The following CABYR variants were observed in gnomAD, a reference collection of about 807,000 sequenced individuals.
CABYR encodes the protein calcium-binding tyrosine phosphorylation-regulated protein.
A neutral mutation model predicts 36.1 loss-of-function variants in CABYR; 31 were observed. That is an observed-to-expected ratio of 0.86 (90% confidence interval 0.64 to 1.16). The LOEUF is 1.16. CABYR is among the 50% of genes most tolerant of loss of function. The pLI is 0.00. For missense variants in CABYR, 429 were observed against 455.8 expected (o/e 0.94, Z 0.53); for synonymous variants, 146 against 160.7 (o/e 0.91, Z 0.69).
At chr18:24,143,606 G>C (rs536816063) in intron 3 of CABYR, among the ~76,000 whole-genome samples, 193 bp downstream of exon 3, 4 of 149,696 alleles carry the variant, frequency 2.7e-5, no homozygotes, top group African/African-American at 4.9e-5. Flanking sequence ...CAGCGGCGCC[G>C]TCATAGCTCA....
At chr18:24,146,329 C>T (rs1005188806) in intron 3 of CABYR, among the ~76,000 whole-genome samples, 10 of 152,062 alleles carry the variant, frequency 6.6e-5, no homozygotes, top group Non-Finnish European at 8.8e-5. Context: ...AACTAAAAAA[C>T]GAGCCAACAG....
At chr18:24,146,110 T>C (rs1040547981) in intron 3 of CABYR, among the ~76,000 whole-genome samples, 21 of 143,286 alleles carry the variant, frequency 1.5e-4, no homozygotes, top group African/African-American at 5.1e-4. Flanking sequence ...AACAACACAC[T>C]CACTAGAAAC....
At chr18:24,155,300 C>T (rs941487719) in intron 3 of CABYR, among the ~76,000 whole-genome samples, 1 of 152,108 alleles carries the variant, frequency 6.6e-6, no homozygotes, top group Non-Finnish European at 1.5e-5. Context: ...AGGATGATAT[C>T]TGATTATTAG....
chr18:24,145,057 C>G (rs913057837), intron 3 of CABYR, among the ~76,000 whole-genome samples: 1 of 152,206 alleles, frequency 6.6e-6, no homozygotes, highest in Non-Finnish European at 1.5e-5. Context: ...AATCTGTCAT[C>G]TCCTGAAATG....
At chr18:24,153,958 C>T (rs999171251) in intron 3 of CABYR, among the ~76,000 whole-genome samples, 1 of 151,716 alleles carries the variant, frequency 6.6e-6, no homozygotes, top group Non-Finnish European at 1.5e-5. Flanking sequence ...CAAAAATTAG[C>T]CGGGCATGGT....
At chr18:24,145,018 A>G (rs1165701974) in intron 3 of CABYR, among the ~76,000 whole-genome samples, 3 of 152,210 alleles carry the variant, frequency 2.0e-5, no homozygotes, top group East Asian at 1.9e-4. Flanking sequence ...ATCTCATTTC[A>G]TAGACCTCAT....
intron 3 of CABYR, among the ~76,000 whole-genome samples, chr18:24,153,924 G>C (rs960562293): frequency 2.0e-5 from 3 of 151,788 alleles, no homozygotes; most frequent in African/African-American, 7.3e-5. Context: ...CCAACATGGT[G>C]AAACCCTGTC....
At chr18:24,157,991 G>T (rs1279669924) in intron 4 of CABYR, among the ~76,000 whole-genome samples, 2 of 152,218 alleles carry the variant, frequency 1.3e-5, no homozygotes, top group Non-Finnish European at 2.9e-5. Context: ...TTGTCTGGCA[G>T]TGTGACAGGG....
At chr18:24,160,135 C>A (rs2145889521) in intron 5 of CABYR, 66 bp downstream of exon 5, 1 of 1,092,546 alleles carries the variant, frequency 9.2e-7, no homozygotes, top group South Asian at 1.5e-5. Flanking sequence ...ATTTTGATTT[C>A]TTGACCTGGA....
intron 4 of CABYR, among the ~76,000 whole-genome samples, chr18:24,157,884 C>G (rs1017976602): frequency 6.6e-6 from 1 of 152,204 alleles, no homozygotes; most frequent in Non-Finnish European, 1.5e-5. Context: ...GCCAACCCCC[C>G]ATTCCTTTTG....
rs8096102 is a variant in CABYR, at chr18:24,154,497, G to A, written c.200-1204G>A. Among the ~76,000 whole-genome samples the A allele has an allele frequency of 4.0e-3, 616 of 152,272 alleles. 4 individuals are homozygous for A. The highest frequency in any genetic ancestry group is 0.014 in the African/African-American group (592 of 41,556). ...GCATTTGGTATAATGTCCATGTCCCGAATTAGAAATCTTAATTGAATTTAT... is the reference window on the plus strand; with the variant it reads ...GCATTTGGTATAATGTCCATGTCCCAAATTAGAAATCTTAATTGAATTTAT... On this transcript the variant is annotated intron_variant, in intron 3 of 5. Coordinates refer to ENST00000399496, the MANE Select transcript of CABYR (RefSeq NM_153769.3).
At position 24,156,059 on chromosome 18, in the gene CABYR, T is replaced by C; in HGVS notation, c.541+17T>C. ...AGATGTTAGGTAAAGTTTCATCTAT[T>C]CATTCTGATCAATCTGATGTGTTAA... On this transcript the variant is annotated intron_variant, in intron 4 of 5. Transcript: ENST00000399496. The C allele has an allele frequency of 1.9e-6, 3 of 1,614,190 alleles. No individual in the cohort carries two copies. Among genetic ancestry groups the C allele is most frequent in the Non-Finnish European group, 2.5e-6 (3 of 1,180,024 alleles).
intron 1 of CABYR, chr18:24,140,387 T>C (rs996706419): frequency 1.3e-5 from 2 of 152,246 alleles, no homozygotes; most frequent in African/African-American, 4.8e-5. Context: ...ATTTAGCATG[T>C]GGGACTGCGG....
chr18:24,159,449 T>A (rs1209363181), intron 4 of CABYR, 23 bp from the exon 5 acceptor site: 14 of 1,583,758 alleles, frequency 8.8e-6, no homozygotes, highest in African/African-American at 1.4e-5. Flanking sequence ...AAACTTTAAT[T>A]CCTGCAAAAT....
intron 3 of CABYR, 85 bp downstream of exon 3, chr18:24,143,498 G>C: frequency 1.7e-6 from 1 of 602,248 alleles, no homozygotes; most frequent in Non-Finnish European, 2.7e-6. Flanking sequence ...ACTTAAGAAT[G>C]GTGCCCACAA....
At chr18:24,156,271 C>T (rs777559650) in intron 4 of CABYR, 7 of 1,614,190 alleles carry the variant, frequency 4.3e-6, no homozygotes, top group Non-Finnish European at 5.9e-6. Context: ...GCTGAACCAT[C>T]AACGGCTTCC....
At chr18:24,158,619 G>A (rs1032927308) in intron 4 of CABYR, among the ~76,000 whole-genome samples, 9 of 152,048 alleles carry the variant, frequency 5.9e-5, no homozygotes, top group African/African-American at 2.2e-4. Flanking sequence ...CGCCCGGCCC[G>A]TAGTGTTATT....
At chr18:24,149,711 C>CT (rs2085565797) in intron 3 of CABYR, among the ~76,000 whole-genome samples, 1 of 152,250 alleles carries the variant, frequency 6.6e-6, no homozygotes, top group Non-Finnish European at 1.5e-5. Flanking sequence ...AGGAAGGCAG[C>CT]TAAGGCCCGG....
At chr18:24,160,526 T>A (rs2085933409) in intron 5 of CABYR, among the ~76,000 whole-genome samples, 1 of 151,934 alleles carries the variant, frequency 6.6e-6, no homozygotes, top group Admixed American at 6.6e-5. Context: ...GATGGAGAGG[T>A]GAGAGGCAGA....
Sources: allele counts gnomAD v4.1 joint callset (sites outside exome capture counted in the v4.1 genomes callset), GRCh38; gene constraint gnomAD v4.1.1; transcripts MANE v1.5; gene names NCBI Gene and HGNC (gene_info 2026-07-23, HGNC 2026-07-21).